MAGI2: variants seen among roughly 807,000 people sequenced by gnomAD.
MAGI2 encodes membrane associated guanylate kinase, WW and PDZ domain containing 2.
Under a neutral mutation model 133.3 loss-of-function variants are expected in MAGI2, and 35 were observed. The observed-to-expected ratio is 0.26, with a 90% CI of 0.20 to 0.35. The LOEUF is 0.35. Among genes scored for constraint, MAGI2 ranks in the 10% least tolerant of loss-of-function variants. The pLI is 1.00. For missense variants in MAGI2, 1,636 were observed against 1,863.4 expected (o/e 0.88, Z 2.25); for synonymous variants, 729 against 710.6 (o/e 1.03, Z -0.41).
At chr7:79,442,482 G>GTGTGTA (rs1392008403) in intron 1 of MAGI2, among the ~76,000 whole-genome samples, 2 of 151,776 alleles carry the variant, frequency 1.3e-5, no homozygotes, top group South Asian at 2.1e-4. Context: ...GTGTGTGTGT[G>GTGTGTA]TGTGTTCCAT....
chr7:78,387,954 AAATAAATAAATAAATAAAT>A (rs1554384072), intron 6 of MAGI2, among the ~76,000 whole-genome samples: 4 of 114,586 alleles, frequency 3.5e-5, no homozygotes, highest in Non-Finnish European at 7.8e-5. Flanking sequence ...ATAAATAAAT[AAATAAATAAATAAATAAAT>A]AAAATAATAA....
chr7:78,722,333 A>T (rs921273009), intron 2 of MAGI2, among the ~76,000 whole-genome samples: 1 of 152,040 alleles, frequency 6.6e-6, no homozygotes, highest in Non-Finnish European at 1.5e-5. Context: ...AGGAGGAAAT[A>T]GCACAACAAT....
At chr7:78,044,206 T>C (rs1391062310) in intron 21 of MAGI2, among the ~76,000 whole-genome samples, 1 of 152,244 alleles carries the variant, frequency 6.6e-6, no homozygotes, top group Non-Finnish European at 1.5e-5. Context: ...AGAGTTCCTA[T>C]AGCATTCTCT....
chr7:79,214,407 C>CTCTCTCTCTATA (rs1554406633), intron 1 of MAGI2, among the ~76,000 whole-genome samples: 2 of 17,710 alleles, frequency 1.1e-4, no homozygotes, highest in East Asian at 1.8e-3. Context: ...CTCTCTCTCT[C>CTCTCTCTCTATA]TATATATATA....
intron 21 of MAGI2, among the ~76,000 whole-genome samples, chr7:78,048,923 A>G (rs957772653): frequency 6.7e-6 from 1 of 148,772 alleles, no homozygotes; most frequent in African/African-American, 2.5e-5. Flanking sequence ...CCTGGCCAAC[A>G]TGGTGAAACC....
intron 1 of MAGI2, among the ~76,000 whole-genome samples, chr7:79,016,426 G>A (rs558883758): frequency 1.3e-4 from 20 of 152,082 alleles, no homozygotes; most frequent in Non-Finnish European, 2.5e-4. Flanking sequence ...ACGCATCATA[G>A]CTCCTGCACT....
At chr7:78,432,227 A>T (rs1229806501) in intron 6 of MAGI2, among the ~76,000 whole-genome samples, 1 of 151,668 alleles carries the variant, frequency 6.6e-6, no homozygotes. Flanking sequence ...AAAAGGCAAA[A>T]CTAGCTTTTC....
chr7:78,633,123 T>C (rs1423311421), intron 2 of MAGI2, among the ~76,000 whole-genome samples: 1 of 152,218 alleles, frequency 6.6e-6, no homozygotes, highest in African/African-American at 2.4e-5. Flanking sequence ...CTATTATCCT[T>C]AGCAAACTAA....
intron 1 of MAGI2, among the ~76,000 whole-genome samples, chr7:79,436,825 A>G: frequency 6.6e-6 from 1 of 152,194 alleles, no homozygotes; most frequent in Admixed American, 6.5e-5. Context: ...TTTCCATTCA[A>G]TCCAGTAATC....
chr7:79,246,906 G>A (rs997377382), intron 1 of MAGI2, among the ~76,000 whole-genome samples: 2 of 152,110 alleles, frequency 1.3e-5, no homozygotes, highest in East Asian at 3.9e-4. Context: ...AAGGCAGCAA[G>A]AGAAAAGAAA....
chr7:78,697,008 C>T (rs1463746951), intron 2 of MAGI2, among the ~76,000 whole-genome samples: 1 of 152,148 alleles, frequency 6.6e-6, no homozygotes, highest in East Asian at 1.9e-4. Flanking sequence ...AAATAGTTTA[C>T]ACAACTACAA....
intron 2 of MAGI2, among the ~76,000 whole-genome samples, chr7:78,714,943 A>G (rs1414449918): frequency 1.3e-5 from 2 of 152,240 alleles, no homozygotes; most frequent in Non-Finnish European, 2.9e-5. Flanking sequence ...CTGTTCCTCC[A>G]TGACTAAAGC....
At chr7:78,992,157 C>T (rs1391585633) in intron 2 of MAGI2, among the ~76,000 whole-genome samples, 8 of 152,048 alleles carry the variant, frequency 5.3e-5, no homozygotes, top group Non-Finnish European at 1.2e-4. Flanking sequence ...AGTCTTGAGG[C>T]TGGCTATAGA....
chr7:79,052,462 G>C (rs1377326122), intron 1 of MAGI2, among the ~76,000 whole-genome samples: 1 of 152,180 alleles, frequency 6.6e-6, no homozygotes, highest in Admixed American at 6.5e-5. Flanking sequence ...CCATGAGGCT[G>C]TCCCTGCAGA....
At chr7:78,363,554 T>G (rs1793072018) in intron 7 of MAGI2, among the ~76,000 whole-genome samples, 4 of 131,922 alleles carry the variant, frequency 3.0e-5, no homozygotes. Context: ...ACACTGTTTT[T>G]ATTCATTGTG....
intron 2 of MAGI2, among the ~76,000 whole-genome samples, chr7:78,898,705 T>C (rs1460123336): frequency 6.6e-6 from 1 of 152,128 alleles, no homozygotes; most frequent in African/African-American, 2.4e-5. Flanking sequence ...TAATGGATAC[T>C]AGGCTTAATA....
intron 2 of MAGI2, among the ~76,000 whole-genome samples, chr7:78,950,334 G>A (rs1295761482): frequency 1.3e-5 from 2 of 152,090 alleles, no homozygotes; most frequent in African/African-American, 2.4e-5. Context: ...TCATCTAACT[G>A]AACTAGCTTA....
chr7:79,193,535 G>C (rs1412566910), intron 1 of MAGI2, among the ~76,000 whole-genome samples: 1 of 151,742 alleles, frequency 6.6e-6, no homozygotes, highest in Non-Finnish European at 1.5e-5. Context: ...AAATACTCCT[G>C]TATTTACATT....
chr7:78,581,423 A>C (rs1022404158), intron 3 of MAGI2, among the ~76,000 whole-genome samples: 29 of 152,186 alleles, frequency 1.9e-4, no homozygotes, highest in Non-Finnish European at 3.7e-4. Context: ...GTTTAATACC[A>C]CCAGGGTGGG....
Sources: allele counts gnomAD v4.1 joint callset (sites outside exome capture counted in the v4.1 genomes callset), GRCh38; gene constraint gnomAD v4.1.1; transcripts MANE v1.5; gene names NCBI Gene and HGNC (gene_info 2026-07-23, HGNC 2026-07-21).